Variants in PSD3 observed in about 807,000 individuals in gnomAD.
PSD3 encodes the protein pleckstrin and Sec7 domain containing 3.
Under a neutral mutation model 105.5 loss-of-function variants are expected in PSD3, and 49 were observed. The ratio of observed to expected loss-of-function variants is 0.46; its 90% CI spans 0.37 to 0.59. The LOEUF (loss-of-function observed/expected upper bound fraction) is 0.59. PSD3 is among the 20% of genes least tolerant of loss of function. The pLI is 0.00. For synonymous variants in PSD3, 557 were observed against 457.8 expected (o/e 1.22, Z -2.77); for missense variants, 1,561 against 1,263.8 (o/e 1.24, Z -3.57).
At chr8:18,803,499 T>C (rs1586058385) in intron 6 of PSD3, among the ~76,000 whole-genome samples, 3 of 151,734 alleles carry the variant, frequency 2.0e-5, no homozygotes, top group Non-Finnish European at 1.5e-5. Context: ...TGTCCACTCA[T>C]GTTCACAGCA....
chr8:18,664,917 G>A (rs1799359950), intron 9 of PSD3, among the ~76,000 whole-genome samples: 1 of 152,170 alleles, frequency 6.6e-6, no homozygotes, highest in South Asian at 2.1e-4. Context: ...TTGACAGGAT[G>A]GTTTGCTAAA....
chr8:18,567,504 G>C (rs748534515), intron 14 of PSD3, among the ~76,000 whole-genome samples: 71 of 152,090 alleles, frequency 4.7e-4, no homozygotes, highest in Non-Finnish European at 9.4e-4. Context: ...TAAAGTTGTA[G>C]TGTACTTATT....
At chr8:18,563,944 C>T (rs942135733) in intron 14 of PSD3, among the ~76,000 whole-genome samples, 2 of 152,064 alleles carry the variant, frequency 1.3e-5, no homozygotes, top group African/African-American at 4.8e-5. Context: ...GTGTGTGTAG[C>T]CCAGGCAAGA....
At chr8:18,567,757 G>A (rs1394025028) in intron 14 of PSD3, among the ~76,000 whole-genome samples, 1 of 152,038 alleles carries the variant, frequency 6.6e-6, no homozygotes, top group Non-Finnish European at 1.5e-5. Flanking sequence ...ATCAAAGAAG[G>A]CCAATGTGGT....
At chr8:18,895,439 C>G (rs1586353922) in intron 2 of PSD3, among the ~76,000 whole-genome samples, 1 of 152,210 alleles carries the variant, frequency 6.6e-6, no homozygotes, top group South Asian at 2.1e-4. Flanking sequence ...CTGAAAGTCT[C>G]ATGCATTTAC....
rs73582623 is a variant in PSD3 at position 18,859,173 on chromosome 8, G to A, written c.1634+8501C>T. ...CTTGTACATCTCCATCAGAGCTCCC[G>A]GGTGACCAGGCGTCTTGTCAATGAG... On this transcript the variant is annotated intron_variant, in intron 4 of 15. Transcript: ENST00000327040. Among the ~76,000 whole-genome samples, 862 of 152,016 alleles carry A rather than the reference G, an allele frequency of 5.7e-3. 6 individuals carry two copies. The highest frequency in any genetic ancestry group is 0.02 in the African/African-American group (808 of 41,426).
intron 1 of PSD3, among the ~76,000 whole-genome samples, chr8:19,047,650 A>G (rs1469102156): frequency 6.6e-6 from 1 of 152,134 alleles, no homozygotes; most frequent in Non-Finnish European, 1.5e-5. Context: ...TTCTCTGTTA[A>G]TTGCTGTTCT....
intron 1 of PSD3, among the ~76,000 whole-genome samples, chr8:19,005,110 TACC>T (rs1468691569): frequency 6.6e-6 from 1 of 152,026 alleles, no homozygotes; most frequent in Non-Finnish European, 1.5e-5. Flanking sequence ...CACAATGAGA[TACC>T]ACCTCACACC....
At chr8:18,557,105 A>C (rs995472276) in intron 14 of PSD3, among the ~76,000 whole-genome samples, 3 of 152,244 alleles carry the variant, frequency 2.0e-5, no homozygotes, top group African/African-American at 7.2e-5. Context: ...GGCTACCCAA[A>C]AAGATATGTT....
intron 8 of PSD3, among the ~76,000 whole-genome samples, chr8:18,791,664 C>A (rs1022694697): frequency 6.6e-6 from 1 of 152,094 alleles, no homozygotes; most frequent in African/African-American, 2.4e-5. Context: ...TGCACACAGA[C>A]ATGGGCAAAA....
chr8:18,933,491 A>G (rs540537341), intron 2 of PSD3, among the ~76,000 whole-genome samples: 1 of 152,134 alleles, frequency 6.6e-6, no homozygotes, highest in Non-Finnish European at 1.5e-5. Flanking sequence ...TTTTTGAGAC[A>G]GAGTCTCACT....
At chr8:18,864,817 T>C (rs1816705683) in intron 4 of PSD3, 1 of 152,062 alleles carries the variant, frequency 6.6e-6, no homozygotes, top group Non-Finnish European at 1.5e-5. Context: ...AATACCTCAA[T>C]GTCCACTTCC....
At chr8:18,693,638 C>T (rs573800317) in intron 9 of PSD3, among the ~76,000 whole-genome samples, 18 of 152,308 alleles carry the variant, frequency 1.2e-4, no homozygotes, top group African/African-American at 3.4e-4. Flanking sequence ...GACTCAGAGT[C>T]GGTGACAGAG....
intron 9 of PSD3, among the ~76,000 whole-genome samples, chr8:18,725,149 T>C (rs1012880707): frequency 1.3e-5 from 2 of 152,222 alleles, no homozygotes; most frequent in Non-Finnish European, 2.9e-5. Context: ...AACCCATGCC[T>C]GGAGTAAGCC....
chr8:18,664,999 CAG>C (rs1365502438), intron 9 of PSD3, among the ~76,000 whole-genome samples: 1 of 152,196 alleles, frequency 6.6e-6, no homozygotes. Flanking sequence ...TGGTCATTAA[CAG>C]AGCACCTCGT....
chr8:18,575,046 C>T (rs1262626408), intron 13 of PSD3, 82 bp downstream of exon 13: 5 of 1,412,506 alleles, frequency 3.5e-6, no homozygotes, highest in African/African-American at 1.5e-5. Flanking sequence ...ATTTCCCCTG[C>T]AGAGCTTGAT....
At chr8:19,036,186 A>C (rs1311830750) in intron 1 of PSD3, among the ~76,000 whole-genome samples, 1 of 152,158 alleles carries the variant, frequency 6.6e-6, no homozygotes, top group Non-Finnish European at 1.5e-5. Flanking sequence ...CACATCACCC[A>C]CCAGGAACTA....
chr8:18,789,031 G>C (rs1250367696), intron 8 of PSD3, among the ~76,000 whole-genome samples: 1 of 152,116 alleles, frequency 6.6e-6, no homozygotes, highest in Non-Finnish European at 1.5e-5. Context: ...AGTGCTAAAA[G>C]CTCAACATTT....
intron 1 of PSD3, among the ~76,000 whole-genome samples, chr8:19,037,690 C>T (rs1043589520): frequency 6.6e-6 from 1 of 152,102 alleles, no homozygotes; most frequent in Non-Finnish European, 1.5e-5. Context: ...TCCTCTTCTG[C>T]TGCATTTGGA....
Sources: allele counts gnomAD v4.1 joint callset (sites outside exome capture counted in the v4.1 genomes callset), GRCh38; gene constraint gnomAD v4.1.1; transcripts MANE v1.5; gene names NCBI Gene and HGNC (gene_info 2026-07-23, HGNC 2026-07-21).